The following PTCSC3 variants were observed in gnomAD, a reference collection of about 807,000 sequenced individuals.
PTCSC3 encodes papillary thyroid carcinoma susceptibility candidate 3 (non-protein coding).
chr14:36,163,872 TA>T (rs1021198193), intron 1 of PTCSC3, among the ~76,000 whole-genome samples: 6 of 152,310 alleles, frequency 3.9e-5, no homozygotes, highest in African/African-American at 1.2e-4. Flanking sequence ...AAGTATTGTT[TA>T]AATCATGGAA....
intron 3 of PTCSC3, chr14:36,136,420 T>G (rs1293897922): frequency 6.6e-6 from 1 of 152,204 alleles, no homozygotes; most frequent in Non-Finnish European, 1.5e-5. Flanking sequence ...TGTTTTAAAT[T>G]TTCTATTTAT....
chr14:36,149,918 T>C (rs1454399889), intron 3 of PTCSC3, among the ~76,000 whole-genome samples: 1 of 152,216 alleles, frequency 6.6e-6, no homozygotes, highest in African/African-American at 2.4e-5. Context: ...TTTTGGACTT[T>C]GGAATATTTG....
At chr14:36,143,262 A>G (rs1375942727) in intron 3 of PTCSC3, among the ~76,000 whole-genome samples, 4 of 142,606 alleles carry the variant, frequency 2.8e-5, no homozygotes, top group Non-Finnish European at 6.1e-5. Flanking sequence ...GAACTAGTTT[A>G]CAGTCCCACC....
At chr14:36,147,535 T>G (rs1229680936) in intron 3 of PTCSC3, among the ~76,000 whole-genome samples, 1 of 152,206 alleles carries the variant, frequency 6.6e-6, no homozygotes, top group Non-Finnish European at 1.5e-5. Flanking sequence ...AGCACTTCTC[T>G]GTATGGTTAT....
At chr14:36,157,822 C>T (rs1362469517) in intron 2 of PTCSC3, among the ~76,000 whole-genome samples, 2 of 152,146 alleles carry the variant, frequency 1.3e-5, no homozygotes, top group East Asian at 3.9e-4. Flanking sequence ...ATGGGGATAG[C>T]ATTCACTCTA....
chr14:36,150,020 A>AT (rs1415796672), intron 3 of PTCSC3, among the ~76,000 whole-genome samples: 1 of 152,086 alleles, frequency 6.6e-6, no homozygotes, highest in Non-Finnish European at 1.5e-5. Flanking sequence ...AAGATGTTGG[A>AT]TTTTGGCACA....
chr14:36,146,608 C>G (rs1183893611), intron 3 of PTCSC3, among the ~76,000 whole-genome samples: 1 of 152,208 alleles, frequency 6.6e-6, no homozygotes, highest in African/African-American at 2.4e-5. Context: ...GGTCTTGACT[C>G]TTTATCCAAT....
intron 3 of PTCSC3, among the ~76,000 whole-genome samples, chr14:36,151,098 G>T (rs1881711545): frequency 6.6e-6 from 1 of 151,814 alleles, no homozygotes; most frequent in South Asian, 2.1e-4. Flanking sequence ...GTTTTTGTTT[G>T]TATGAAAAAG....
intron 1 of PTCSC3, among the ~76,000 whole-genome samples, chr14:36,165,722 CTTTTTTTT>C (rs71448056): frequency 4.0e-5 from 5 of 124,820 alleles, no homozygotes; most frequent in Admixed American, 8.1e-5. Context: ...TTTATTTTTC[CTTTTTTTT>C]TTTTTTTTTT....
intron 1 of PTCSC3, among the ~76,000 whole-genome samples, chr14:36,168,556 A>G (rs1019446245): frequency 2.0e-5 from 3 of 151,744 alleles, no homozygotes; most frequent in African/African-American, 7.3e-5. Context: ...CTGGAGTGAA[A>G]TAATAGAAGC....
chr14:36,165,919 A>G (rs1882076920), intron 1 of PTCSC3, among the ~76,000 whole-genome samples: 1 of 152,174 alleles, frequency 6.6e-6, no homozygotes, highest in South Asian at 2.1e-4. Context: ...TTCATGGTAT[A>G]TATCAAATTT....
intron 3 of PTCSC3, among the ~76,000 whole-genome samples, chr14:36,140,531 T>G (rs1175919812): frequency 6.6e-6 from 1 of 152,236 alleles, no homozygotes; most frequent in Non-Finnish European, 1.5e-5. Flanking sequence ...TTTGTTTTAG[T>G]CGTTCTAATC....
At chr14:36,164,023 T>C (rs1360671293) in intron 1 of PTCSC3, 2 of 152,148 alleles carry the variant, frequency 1.3e-5, no homozygotes, top group Non-Finnish European at 2.9e-5. Context: ...ATAATTGTAA[T>C]CAGGACAGCA....
intron 1 of PTCSC3, among the ~76,000 whole-genome samples, chr14:36,169,899 T>G (rs1882162471): frequency 6.6e-6 from 1 of 152,110 alleles, no homozygotes; most frequent in African/African-American, 2.4e-5. Flanking sequence ...GCGGATGAAT[T>G]AGATTTACAA....
chr14:36,155,643 A>T (rs1426073737), intron 2 of PTCSC3, among the ~76,000 whole-genome samples: 1 of 152,096 alleles, frequency 6.6e-6, no homozygotes, highest in Non-Finnish European at 1.5e-5. Context: ...GAGTCTGCCA[A>T]ATCTTGCTAA....
chr14:36,155,935 T>G (rs1344365407), intron 2 of PTCSC3, among the ~76,000 whole-genome samples: 1 of 152,252 alleles, frequency 6.6e-6, no homozygotes, highest in Admixed American at 6.5e-5. Flanking sequence ...GACTTTCACA[T>G]TAGCAGAAAT....
chr14:36,173,676 A>T (rs779513300), intron 1 of PTCSC3, among the ~76,000 whole-genome samples: 5 of 152,064 alleles, frequency 3.3e-5, no homozygotes, highest in African/African-American at 4.8e-5. Flanking sequence ...TCTGATGAAG[A>T]TGCTGCCTAT....
rs187067312 is a variant in PTCSC3, at chr14:36,150,595, T to C, written n.322+3209A>G. Among the ~76,000 whole-genome samples the C allele has an allele frequency of 7.9e-5, 12 of 152,356 alleles. No homozygotes were observed. The East Asian group carries it at 2.3e-3, about 29-fold the overall frequency. ...CACATTTTAAATTGTTTTCTATTTG[T>C]TTCACTTTTGAAAAATCTTCCCTTT... On this transcript the variant is annotated intron_variant and non_coding_transcript_variant, in intron 3 of 3. Transcript: ENST00000556013.
intron 1 of PTCSC3, among the ~76,000 whole-genome samples, chr14:36,166,271 G>C (rs751994708): frequency 7.2e-4 from 110 of 152,294 alleles, no homozygotes; most frequent in Non-Finnish European, 1.3e-3. Context: ...TTAAGTCCTT[G>C]ATGACTTTTT....
Sources: gnomAD v4.1 joint callset for allele counts (sites outside exome capture counted in the v4.1 genomes callset) on GRCh38, gnomAD v4.1.1 for gene constraint, MANE v1.5 for transcripts, NCBI Gene and HGNC (gene_info 2026-07-23, HGNC 2026-07-21) for gene names.